UQCC1: variants seen among roughly 807,000 people sequenced by gnomAD.
The protein encoded by UQCC1 is ubiquinol-cytochrome c reductase complex assembly factor 1.
UQCC1 carries 38 observed loss-of-function variants against 48.0 expected under a neutral mutation model. That is an observed-to-expected ratio of 0.79 (90% CI 0.61 to 1.04). The LOEUF (loss-of-function observed/expected upper bound fraction) is 1.04, where lower values mean the gene tolerates loss of function less well. UQCC1 is among the 50% of genes least tolerant of loss of function. UQCC1 has a pLI of 0.00. For missense variants in UQCC1, 368 were observed against 381.8 expected, an observed-to-expected ratio of 0.96 and a Z score of 0.30; for synonymous variants, 111 against 129.2, an observed-to-expected ratio of 0.86 and a Z score of 0.95.
chr20:35,411,389 C>T (rs1372716830), intron 1 of UQCC1, among the ~76,000 whole-genome samples: 2 of 152,124 alleles, frequency 1.3e-5, no homozygotes, highest in East Asian at 3.9e-4. Flanking sequence ...ACGACGGAGA[C>T]AGACATGACT....
At chr20:35,338,382 C>T (rs1008809582) in intron 7 of UQCC1, among the ~76,000 whole-genome samples, 65 of 152,012 alleles carry the variant, frequency 4.3e-4, no homozygotes, top group African/African-American at 1.5e-3. Context: ...TTGGAAGGTA[C>T]CATGGTATAG....
At chr20:35,317,175 C>T (rs1366651902) in intron 7 of UQCC1, among the ~76,000 whole-genome samples, 16 of 144,122 alleles carry the variant, frequency 1.1e-4, no homozygotes, top group Non-Finnish European at 1.8e-4. Context: ...TGACCTCAGG[C>T]GATCAGCCCG....
chr20:35,348,649 A>G (rs1312486312), intron 6 of UQCC1, among the ~76,000 whole-genome samples: 1 of 150,492 alleles, frequency 6.6e-6, no homozygotes, highest in Non-Finnish European at 1.5e-5. Flanking sequence ...TCAGCCTCCC[A>G]AAGTGCTTGT....
intron 6 of UQCC1, among the ~76,000 whole-genome samples, chr20:35,347,688 G>T (rs1024815864): frequency 9.2e-5 from 14 of 152,140 alleles, no homozygotes; most frequent in African/African-American, 2.9e-4. Flanking sequence ...CCGTAAAACT[G>T]GGTATAGAAC....
At chr20:35,363,959 C>T (rs973332733) in intron 6 of UQCC1, among the ~76,000 whole-genome samples, 2 of 152,134 alleles carry the variant, frequency 1.3e-5, no homozygotes, top group Admixed American at 6.5e-5. Flanking sequence ...CTGCCCACCC[C>T]GCCCCTGCAC....
intron 2 of UQCC1, among the ~76,000 whole-genome samples, chr20:35,392,690 A>G (rs760236189): frequency 1.3e-5 from 2 of 152,134 alleles, no homozygotes; most frequent in Non-Finnish European, 2.9e-5. Flanking sequence ...CTTAGTGACT[A>G]CTCTGTGCCA....
chr20:35,377,607 G>A (rs898599396), intron 4 of UQCC1, among the ~76,000 whole-genome samples: 7 of 152,148 alleles, frequency 4.6e-5, no homozygotes, highest in African/African-American at 1.7e-4. Flanking sequence ...CTACTCTCAT[G>A]GAGCTTACGG....
intron 7 of UQCC1, among the ~76,000 whole-genome samples, chr20:35,321,089 G>C (rs2061118982): frequency 1.3e-5 from 2 of 151,976 alleles, no homozygotes; most frequent in Non-Finnish European, 2.9e-5. Flanking sequence ...GCCCACTGTG[G>C]AATATTTTGT....
intron 8 of UQCC1, among the ~76,000 whole-genome samples, chr20:35,308,196 T>G (rs1309730982): frequency 6.6e-6 from 1 of 152,264 alleles, no homozygotes; most frequent in East Asian, 1.9e-4. Context: ...AGAAAAACAT[T>G]CCACCTGTTC....
chr20:35,305,638 A>G (rs887977527), intron 9 of UQCC1, among the ~76,000 whole-genome samples: 3 of 152,188 alleles, frequency 2.0e-5, no homozygotes, highest in African/African-American at 7.2e-5. Context: ...GGCTCCTGGG[A>G]TTCTCTACCC....
At chr20:35,402,370 A>C (rs2146535960) in intron 1 of UQCC1, among the ~76,000 whole-genome samples, 1 of 151,914 alleles carries the variant, frequency 6.6e-6, no homozygotes, top group African/African-American at 2.4e-5. Context: ...CGAGGTCAGG[A>C]GATTGAAACC....
At chr20:35,346,865 A>T (rs2061436763) in intron 7 of UQCC1, 1 of 827,908 alleles carries the variant, frequency 1.2e-6, no homozygotes, top group Non-Finnish European at 1.8e-6. Flanking sequence ...TTATCATTTG[A>T]TTCCCTCCAT....
intron 6 of UQCC1, among the ~76,000 whole-genome samples, chr20:35,353,615 A>AC (rs1361043315): frequency 1.3e-5 from 2 of 151,790 alleles, no homozygotes; most frequent in Admixed American, 1.3e-4. Flanking sequence ...ACAAAGTAAG[A>AC]CCCCACCTCT....
Position 35,383,922 on chromosome 20 carries a change from CCT to C in UQCC1, c.225+114_225+115del, listed in dbSNP as rs370020071. On this transcript the variant is annotated intron_variant, in intron 3 of 9. Transcript: ENST00000374385. The stretch of plus-strand genomic sequence containing the variant: ...TGACCTTGGGCAAGTCACTTTACCC[CCT>C]GAGCCTCACCTTCTGCATTCGCTAA... The C allele has an allele frequency of 8.7e-4, 705 of 811,432 alleles. 6 individuals carry two copies. In the African/African-American group the frequency reaches 0.01, roughly 12 times the overall value. The allele number at this position is 811,432 out of a possible 1,614,324, so 50.3% of individuals were successfully genotyped here.
chr20:35,401,306 C>G (rs1010533781), intron 1 of UQCC1, among the ~76,000 whole-genome samples: 3 of 152,206 alleles, frequency 2.0e-5, no homozygotes, highest in Non-Finnish European at 4.4e-5. Flanking sequence ...GTGGCCTTCT[C>G]GCACTCAGCA....
intron 1 of UQCC1, among the ~76,000 whole-genome samples, chr20:35,394,936 T>C (rs961926502): frequency 2.6e-5 from 4 of 152,136 alleles, no homozygotes; most frequent in Admixed American, 2.0e-4. Flanking sequence ...TCAGATTCAA[T>C]AATTTGCTAG....
chr20:35,408,750 G>C (rs1371064114), intron 1 of UQCC1, among the ~76,000 whole-genome samples: 1 of 151,962 alleles, frequency 6.6e-6, no homozygotes, highest in African/African-American at 2.4e-5. Flanking sequence ...AGCTACTCAG[G>C]AGGCTGAAGT....
At chr20:35,342,081 A>G (rs1382826703) in intron 7 of UQCC1, among the ~76,000 whole-genome samples, 1 of 152,222 alleles carries the variant, frequency 6.6e-6, no homozygotes, top group Non-Finnish European at 1.5e-5. Context: ...GGCCCTCTGC[A>G]TCATCCCATC....
intron 7 of UQCC1, among the ~76,000 whole-genome samples, chr20:35,340,325 G>T (rs1404337386): frequency 6.6e-6 from 1 of 152,194 alleles, no homozygotes; most frequent in African/African-American, 2.4e-5. Context: ...AAATTCGTAA[G>T]CCAATCCCAA....
Sources: allele counts gnomAD v4.1 joint callset (sites outside exome capture counted in the v4.1 genomes callset), GRCh38; gene constraint gnomAD v4.1.1; transcripts MANE v1.5; gene names NCBI Gene and HGNC (gene_info 2026-07-23, HGNC 2026-07-21).